Variants in RBFOX3 observed in about 807,000 individuals in gnomAD.
RBFOX3 encodes RNA binding protein fox-1 homolog 3.
RBFOX3 carries 17 observed loss-of-function variants against 48.7 expected under a neutral mutation model. The ratio of observed to expected loss-of-function variants is 0.35; its 90% CI spans 0.24 to 0.52. The LOEUF (loss-of-function observed/expected upper bound fraction) is 0.52. Ranked by LOEUF, RBFOX3 falls within the 20% of genes least tolerant of loss-of-function variation. The probability of loss-of-function intolerance (pLI) is 0.94; values close to 1 mark genes in which losing one functional copy is unlikely to be tolerated. For missense variants in RBFOX3, 382 were observed against 497.5 expected, an observed-to-expected ratio of 0.77 and a Z score of 2.21; for synonymous variants, 212 against 209.5, an observed-to-expected ratio of 1.01 and a Z score of -0.10.
At chr17:79,138,076 G>T (rs746249035) in intron 4 of RBFOX3, among the ~76,000 whole-genome samples, 3 of 152,122 alleles carry the variant, frequency 2.0e-5, no homozygotes, top group Admixed American at 6.5e-5. Context: ...GCCCACTCAC[G>T]CGGACAAGGC....
chr17:79,620,391 A>G, the RBFOX3 span, among the ~76,000 whole-genome samples: 557 of 147,942 alleles, frequency 3.8e-3, 3 homozygotes, highest in African/African-American at 0.014. Flanking sequence ...ACATGCACAC[A>G]TGCCCACATG....
At chr17:79,189,691 G>A (rs2054084345) in intron 4 of RBFOX3, among the ~76,000 whole-genome samples, 2 of 152,126 alleles carry the variant, frequency 1.3e-5, no homozygotes, top group Admixed American at 6.5e-5. Context: ...TCCATGCAGC[G>A]CCCAATTTCC....
intron 4 of RBFOX3, among the ~76,000 whole-genome samples, chr17:79,189,297 C>T (rs1452157570): frequency 6.6e-6 from 1 of 152,118 alleles, no homozygotes; most frequent in Non-Finnish European, 1.5e-5. Flanking sequence ...AGAGGTGGTC[C>T]AAGGTCACAC....
At chr17:79,325,419 G>A (rs1299529325) in intron 2 of RBFOX3, among the ~76,000 whole-genome samples, 1 of 152,162 alleles carries the variant, frequency 6.6e-6, no homozygotes. Context: ...GAGCCCGGCA[G>A]CACTGTGGGG....
chr17:79,118,397 C>T (rs560553915), intron 4 of RBFOX3, among the ~76,000 whole-genome samples: 4 of 152,144 alleles, frequency 2.6e-5, no homozygotes, highest in South Asian at 2.1e-4. Flanking sequence ...TGTTAGCAAA[C>T]GTGTTGGTGA....
At chr17:79,326,388 T>C (rs1197923921) in intron 2 of RBFOX3, among the ~76,000 whole-genome samples, 2 of 152,216 alleles carry the variant, frequency 1.3e-5, no homozygotes, top group African/African-American at 4.8e-5. Context: ...AGTGAAAATA[T>C]CTGGTTCTTC....
chr17:79,622,298 T>C, the RBFOX3 span, among the ~76,000 whole-genome samples: 1 of 152,124 alleles, frequency 6.6e-6, no homozygotes, highest in Non-Finnish European at 1.5e-5. Context: ...CTCCTTCCAG[T>C]TCCAACCTGC....
rs1221432140 is a variant in RBFOX3 at position 79,256,964 on chromosome 17, AAAAG to A, written c.-73-21163_-73-21160del. ...AAAACAAAACAAAAAAAAAACAAAAAAAAGAAAAAGAAAAGGAAAGAAGTTCGTG... is the reference window on the plus strand; with the variant it reads ...AAAACAAAACAAAAAAAAAACAAAAAAAAAAGAAAAGGAAAGAAGTTCGTG... On this transcript the variant is annotated intron_variant, in intron 3 of 14. Transcript: ENST00000693108. Among the ~76,000 whole-genome samples the A allele has an allele frequency of 7.2e-5, 11 of 152,132 alleles. No individual in the cohort carries two copies. In the South Asian group the frequency reaches 2.3e-3, roughly 32 times the overall value.
rs961162921 is a variant in RBFOX3 at position 79,431,097 on chromosome 17, A to T, written c.-175+51357T>A. On this transcript the variant is annotated intron_variant, in intron 2 of 14. Coordinates refer to ENST00000693108, the MANE Select transcript of RBFOX3 (RefSeq NM_001350451.2). ...CAGTTAAGTCTAAAAACATGAGGTC[A>T]AGCCCGATCGGTGATCATGGGTATT... is the stretch of plus-strand genomic sequence containing the variant. Among the ~76,000 whole-genome samples, 76 of 152,228 alleles carry T rather than the reference A, an allele frequency of 5.0e-4. 1 individual carries two copies. The highest frequency in any genetic ancestry group is 1.0e-3 in the Non-Finnish European group (70 of 68,048).
chr17:79,451,716 G>A (rs2073542880), intron 2 of RBFOX3, among the ~76,000 whole-genome samples: 3 of 152,236 alleles, frequency 2.0e-5, no homozygotes, highest in Non-Finnish European at 4.4e-5. Context: ...GAGGCCCTGG[G>A]CAAACCACTG....
In RBFOX3 at chr17:79,115,702, TA is replaced by T; in HGVS notation, c.13del (p.Tyr5ThrfsTer41). MAQPYPPAQYPPPPQ... is the reference protein window; with the variant it reads MAQPXPPAQYPPPPQ... ...CGGAGGGGGGTACTGGGCGGGGGGG[TA>T]GGGCTGGGCCATCGCTTCAGGCGGA... is the stretch of plus-strand genomic sequence containing the variant. On this transcript the variant is annotated frameshift_variant, in exon 5 of 15. Coordinates refer to ENST00000693108, the MANE Select transcript of RBFOX3 (RefSeq NM_001350451.2). LOFTEE classifies it high-confidence loss of function. The T allele has an allele frequency of 2.4e-5, 9 of 375,674 alleles. No homozygotes were observed. Among genetic ancestry groups the T allele is most frequent in the East Asian group, 1.3e-4 (2 of 15,406 alleles). The allele number at this position is 375,674 out of a possible 1,614,324, so 23.3% of individuals were successfully genotyped here.
rs74001666 is a variant in RBFOX3 at position 79,204,916 on chromosome 17, G to A, written c.-34+30850C>T. Among the ~76,000 whole-genome samples, 1,577 of 152,280 alleles carry A rather than the reference G, an allele frequency of 0.01. 27 individuals carry two copies. Among genetic ancestry groups the A allele is most frequent in the African/African-American group, 0.037 (1,528 of 41,536 alleles). ...AAGTCTGCAGCTAATAAGCCATGGT[G>A]TTCCTGGGGATGAAATGGATGGGTG... On this transcript the variant is annotated intron_variant, in intron 4 of 14. Transcript: ENST00000693108. This position sits in a 1 kb window ranked among gnomAD's most constrained non-coding sequence, Gnocchi z 4.5.
At chr17:79,180,263 G>T (rs899052474) in intron 4 of RBFOX3, among the ~76,000 whole-genome samples, 1 of 152,204 alleles carries the variant, frequency 6.6e-6, no homozygotes, top group African/African-American at 2.4e-5. Flanking sequence ...AGCAGGAAAA[G>T]GCTCATGCTT....
intron 3 of RBFOX3, among the ~76,000 whole-genome samples, chr17:79,247,882 G>A (rs190440807): frequency 9.2e-5 from 14 of 152,342 alleles, no homozygotes; most frequent in Non-Finnish European, 1.8e-4. Flanking sequence ...CTGTAAAAGC[G>A]GGGGTGACAG....
chr17:79,347,567 A>AT (rs148879910), intron 2 of RBFOX3, among the ~76,000 whole-genome samples: 2,493 of 151,264 alleles, frequency 0.016, 64 homozygotes, highest in African/African-American at 0.058. Context: ...GCTTTTCCTT[A>AT]TTTTTTTCTT....
chr17:79,495,803 G>A (rs1184192721), intron 1 of RBFOX3, among the ~76,000 whole-genome samples: 1 of 151,544 alleles, frequency 6.6e-6, no homozygotes, highest in Admixed American at 6.6e-5. Flanking sequence ...CTGGGTGCAG[G>A]TGTAGGGTGG....
intron 2 of RBFOX3, among the ~76,000 whole-genome samples, chr17:79,320,033 C>T (rs1266013911): frequency 1.3e-5 from 2 of 150,466 alleles, no homozygotes; most frequent in African/African-American, 2.5e-5. Context: ...GGCTGCTGGT[C>T]TATGTCTGGG....
chr17:79,579,006 C>G (rs1029294017), intron 1 of RBFOX3, among the ~76,000 whole-genome samples: 90 of 152,344 alleles, frequency 5.9e-4, no homozygotes, highest in Middle Eastern at 6.8e-3. Flanking sequence ...CCTCCTGCCC[C>G]CTCAACGTCC....
chr17:79,614,471 C>T (rs1030350630), upstream of RBFOX3, among the ~76,000 whole-genome samples: 5 of 20,162 alleles, frequency 2.5e-4, no homozygotes, highest in East Asian at 1.5e-3. Flanking sequence ...TGCCAACCAG[C>T]TTTGCAGCCC....
Sources: gnomAD v4.1 joint callset for allele counts (sites outside exome capture counted in the v4.1 genomes callset) on GRCh38, gnomAD v4.1.1 for gene constraint, Gnocchi (gnomAD v3.1) non-coding constraint, MANE v1.5 for transcripts, NCBI Gene and HGNC (gene_info 2026-07-23, HGNC 2026-07-21) for gene names.